LY86: variants seen among roughly 807,000 people sequenced by gnomAD.
LY86 encodes the protein lymphocyte antigen 86.
Under a neutral mutation model 17.3 loss-of-function variants are expected in LY86, and 20 were observed. The ratio of observed to expected loss-of-function variants is 1.15; its 90% CI spans 0.81 to 1.68. The LOEUF is 1.68. Among genes scored for constraint, LY86 ranks in the 40% most tolerant of loss-of-function variants. The pLI is 0.00. For synonymous variants in LY86, 74 were observed against 70.6 expected, an observed-to-expected ratio of 1.05 and a Z score of -0.24; for missense variants, 200 against 191.9, an observed-to-expected ratio of 1.04 and a Z score of -0.25.
intron 1 of LY86, among the ~76,000 whole-genome samples, chr6:6,593,562 G>A (rs1007090306): frequency 6.6e-6 from 1 of 152,236 alleles, no homozygotes; most frequent in Non-Finnish European, 1.5e-5. Context: ...AAGGTGCTTA[G>A]CACATACTGT....
In LY86 at chr6:6,625,009, CTGAG is replaced by C. The variant is rs754994838; in HGVS notation, c.222_223+2del. The C allele has an allele frequency of 9.7e-5, 138 of 1,423,636 alleles. No individual in the cohort carries two copies. The highest frequency in any genetic ancestry group is 1.8e-4 in the African/African-American group (13 of 70,818). 88.2% of individuals were successfully genotyped at this position (1,423,636 alleles called of 1,614,324 possible). A position where few individuals can be genotyped will look rare whatever the true frequency, so the allele number is the denominator to read the frequency against. The stretch of plus-strand genomic sequence containing the variant: ...TATCAACATTAGATTTGGAATTATT[CTGAG>C]TAAGTAAAAAAAATGATTAGCATGA... On this transcript the variant is annotated splice_donor_variant and coding_sequence_variant, in exon 2 of 5. Transcript: ENST00000230568. LOFTEE classifies it high-confidence loss of function.
chr6:6,641,914 C>T (rs1319972914), intron 3 of LY86, among the ~76,000 whole-genome samples: 7 of 152,230 alleles, frequency 4.6e-5, no homozygotes, highest in Admixed American at 4.6e-4. Flanking sequence ...AGCTAGGGCT[C>T]CATCCCTCAG....
intron 1 of LY86, among the ~76,000 whole-genome samples, chr6:6,602,829 A>C (rs554407405): frequency 2.3e-4 from 35 of 152,316 alleles, no homozygotes; most frequent in African/African-American, 7.9e-4. Context: ...GTATTGGACA[A>C]GCTTACTCCC....
At chr6:6,613,172 T>C (rs766771638) in intron 1 of LY86, among the ~76,000 whole-genome samples, 2 of 152,224 alleles carry the variant, frequency 1.3e-5, no homozygotes, top group Admixed American at 6.5e-5. Flanking sequence ...GACATAAAGA[T>C]TCTCCAAGTT....
intron 3 of LY86, among the ~76,000 whole-genome samples, chr6:6,648,424 C>T (rs2113164377): frequency 6.6e-6 from 1 of 152,318 alleles, no homozygotes; most frequent in South Asian, 2.1e-4. Context: ...GTTCACTGTG[C>T]TTCAGCAGAC....
chr6:6,638,465 G>A (rs1761991635), intron 3 of LY86, among the ~76,000 whole-genome samples: 1 of 152,066 alleles, frequency 6.6e-6, no homozygotes, highest in African/African-American at 2.4e-5. Context: ...GTCACATGTG[G>A]CTATTTGAAG....
chr6:6,601,708 A>C (rs1268811013), intron 1 of LY86, among the ~76,000 whole-genome samples: 1 of 151,962 alleles, frequency 6.6e-6, no homozygotes, highest in Non-Finnish European at 1.5e-5. Flanking sequence ...AGACAGAGTG[A>C]GACACTGTCT....
intron 1 of LY86, among the ~76,000 whole-genome samples, chr6:6,603,615 C>CAAAAAAAAAAAAAAAAAA (rs1221531073): frequency 1.8e-5 from 2 of 114,168 alleles, no homozygotes; most frequent in African/African-American, 6.8e-5. Context: ...GAAAAAAAAA[C>CAAAAAAAAAAAAAAAAAA]AAACAAAAAA....
intron 1 of LY86, among the ~76,000 whole-genome samples, chr6:6,598,368 C>A (rs73365332): frequency 0.095 from 14,395 of 152,038 alleles, 1,910 homozygotes; most frequent in African/African-American, 0.3. Context: ...TTTGTACTGA[C>A]ATTTATTTTT....
At chr6:6,604,994 ATAGTT>A (rs1449884180) in intron 1 of LY86, among the ~76,000 whole-genome samples, 10 of 152,020 alleles carry the variant, frequency 6.6e-5, no homozygotes, top group East Asian at 5.8e-4. Flanking sequence ...TACATACAGT[ATAGTT>A]AAGTCATTCA....
intron 1 of LY86, among the ~76,000 whole-genome samples, chr6:6,613,510 C>T (rs1318272623): frequency 6.6e-6 from 1 of 152,184 alleles, no homozygotes. Context: ...TCCTCACTGC[C>T]CGGGGCTTGC....
intron 1 of LY86, among the ~76,000 whole-genome samples, chr6:6,606,434 C>T (rs895810922): frequency 3.3e-5 from 5 of 152,226 alleles, no homozygotes; most frequent in Admixed American, 6.5e-5. Flanking sequence ...ACCTGGGCGG[C>T]AGGTGGAGCT....
intron 3 of LY86, among the ~76,000 whole-genome samples, chr6:6,632,213 G>GT (rs1581249190): frequency 1.3e-5 from 2 of 152,344 alleles, no homozygotes. Flanking sequence ...TTAACAGATA[G>GT]GCTGGTCAGA....
intron 3 of LY86, among the ~76,000 whole-genome samples, chr6:6,640,902 C>G (rs193297930): frequency 2.0e-5 from 3 of 152,250 alleles, no homozygotes. Flanking sequence ...TTAAATTTCT[C>G]TAGGTAGTGA....
At chr6:6,605,621 A>C (rs942009421) in intron 1 of LY86, among the ~76,000 whole-genome samples, 1 of 152,276 alleles carries the variant, frequency 6.6e-6, no homozygotes, top group African/African-American at 2.4e-5. Context: ...CTCATCTCAG[A>C]AGCAACATTC....
At chr6:6,612,508 G>A (rs544022227) in intron 1 of LY86, among the ~76,000 whole-genome samples, 26 of 137,444 alleles carry the variant, frequency 1.9e-4, no homozygotes, top group African/African-American at 5.7e-4. Flanking sequence ...AACACTTACT[G>A]CAAAAAGCAA....
intron 3 of LY86, among the ~76,000 whole-genome samples, chr6:6,632,681 A>G (rs562901852): frequency 6.6e-6 from 1 of 152,182 alleles, no homozygotes; most frequent in South Asian, 2.1e-4. Flanking sequence ...CAAGTCTTTC[A>G]TGGCTATGTT....
At chr6:6,630,689 C>G (rs1761885084) in intron 3 of LY86, among the ~76,000 whole-genome samples, 1 of 152,180 alleles carries the variant, frequency 6.6e-6, no homozygotes, top group African/African-American at 2.4e-5. Flanking sequence ...TTGGTCTGGT[C>G]TGCAAACACC....
chr6:6,603,211 A>G (rs1760968600), intron 1 of LY86, among the ~76,000 whole-genome samples: 1 of 152,122 alleles, frequency 6.6e-6, no homozygotes, highest in South Asian at 2.1e-4. Flanking sequence ...ACCTATTAAT[A>G]TGATTGCATT....
Sources: gnomAD v4.1 joint callset for allele counts (sites outside exome capture counted in the v4.1 genomes callset) on GRCh38, gnomAD v4.1.1 for gene constraint, MANE v1.5 for transcripts, NCBI Gene and HGNC (gene_info 2026-07-23, HGNC 2026-07-21) for gene names.